SMG6: variants seen among roughly 807,000 people sequenced by gnomAD.
SMG6 encodes the protein SMG6 nonsense mediated mRNA decay factor, also known as telomerase-binding protein EST1A.
A neutral mutation model predicts 142.2 loss-of-function variants in SMG6; 66 were observed. The observed-to-expected ratio is 0.46, with a 90% CI of 0.38 to 0.57. SMG6 has a LOEUF of 0.57. Ranked by LOEUF, SMG6 falls within the 20% of genes least tolerant of loss-of-function variation. SMG6 has a pLI of 0.00. For missense variants in SMG6, 1,793 were observed against 1,832.0 expected (o/e 0.98, Z 0.39); for synonymous variants, 779 against 702.4 (o/e 1.11, Z -1.72).
chr17:2,241,561 C>T (rs1005018815), intron 9 of SMG6, among the ~76,000 whole-genome samples: 3 of 152,140 alleles, frequency 2.0e-5, no homozygotes, highest in African/African-American at 4.8e-5. Flanking sequence ...CTATTATACT[C>T]ATTAAAAAGA....
intron 13 of SMG6, among the ~76,000 whole-genome samples, chr17:2,145,643 CAAA>C (rs61451940): frequency 4.2e-5 from 1 of 23,776 alleles, no homozygotes; most frequent in Non-Finnish European, 7.5e-5. Flanking sequence ...TCCATCTCCC[CAAA>C]AAAAAAAAAA....
intron 15 of SMG6, among the ~76,000 whole-genome samples, chr17:2,072,253 C>A (rs750090683): frequency 6.6e-6 from 1 of 152,104 alleles, no homozygotes; most frequent in Non-Finnish European, 1.5e-5. Flanking sequence ...AGCGTGCTGA[C>A]CCGGAAGGAG....
intron 18 of SMG6, chr17:2,062,517 GCA>G (rs1445439336): frequency 1.4e-5 from 2 of 143,488 alleles, no homozygotes; most frequent in African/African-American, 2.6e-5. Context: ...TTTTTTTTAA[GCA>G]CAGTCTCTCC....
intron 8 of SMG6, among the ~76,000 whole-genome samples, chr17:2,266,579 A>C (rs2074426936): frequency 6.6e-6 from 1 of 152,214 alleles, no homozygotes; most frequent in African/African-American, 2.4e-5. Flanking sequence ...CAGAAAGATG[A>C]AGAGTGTGGT....
rs548257532 is a variant in SMG6 at position 2,248,785 on chromosome 17, T to C, written c.2662-4066A>G. Among the ~76,000 whole-genome samples the C allele has an allele frequency of 6.7e-4, 102 of 152,286 alleles. 1 individual carries two copies. In the South Asian group the frequency reaches 0.02, roughly 30 times the overall value. On this transcript the variant is annotated intron_variant, in intron 8 of 18. Transcript: ENST00000263073. ...AATGTAGATACATCTAGAAGGTATG[T>C]GACATGAAGGAGCAGATTTGTTACA... is the stretch of plus-strand genomic sequence containing the variant.
At chr17:2,179,615 C>A (rs530603043) in intron 12 of SMG6, among the ~76,000 whole-genome samples, 166 of 151,542 alleles carry the variant, frequency 1.1e-3, no homozygotes, top group Admixed American at 1.8e-3. Context: ...TCCAATCCAA[C>A]AGTGTGATAA....
chr17:2,245,926 T>A (rs1410876975), intron 8 of SMG6, among the ~76,000 whole-genome samples: 1 of 152,244 alleles, frequency 6.6e-6, no homozygotes, highest in Non-Finnish European at 1.5e-5. Context: ...GCAATCCTCC[T>A]GCCTCAGCCT....
chr17:2,251,892 G>C (rs1038097309), intron 8 of SMG6, among the ~76,000 whole-genome samples: 1 of 151,686 alleles, frequency 6.6e-6, no homozygotes, highest in Admixed American at 6.6e-5. Flanking sequence ...ACCTGAGGTC[G>C]GGAGTTCGAG....
chr17:2,103,096 C>T (rs764969247), intron 13 of SMG6, among the ~76,000 whole-genome samples: 2 of 152,210 alleles, frequency 1.3e-5, no homozygotes, highest in Non-Finnish European at 2.9e-5. Flanking sequence ...TGCAGTGAAC[C>T]TGGGAGTCCA....
At chr17:2,148,473 A>ACTT (rs1379223453) in intron 13 of SMG6, among the ~76,000 whole-genome samples, 1 of 152,246 alleles carries the variant, frequency 6.6e-6, no homozygotes, top group Non-Finnish European at 1.5e-5. Flanking sequence ...CACGGATAAA[A>ACTT]CGTGAAATCA....
At chr17:2,210,765 AAAATAAAAT>A (rs1293294731) in intron 10 of SMG6, among the ~76,000 whole-genome samples, 8 of 150,796 alleles carry the variant, frequency 5.3e-5, no homozygotes, top group African/African-American at 1.7e-4. Context: ...GCTTTAAAAA[AAAATAAAAT>A]AAAAAAAAAA....
rs138553261 is a variant in SMG6 at position 2,185,154 on chromosome 17, A to G, written c.3155+1509T>C. 6.2e-4 allele frequency among the ~76,000 whole-genome samples: 94 copies of G among 152,240 alleles called. 1 individual carries two copies. Among genetic ancestry groups the G allele is most frequent in the African/African-American group, 2.1e-3 (87 of 41,538 alleles). ...ATAGATACGGACATCCCACATGAAC[A>G]CATACAGATAACAACACACGTGGCC... On this transcript the variant is annotated intron_variant, in intron 12 of 18. Coordinates refer to ENST00000263073, the MANE Select transcript of SMG6 (RefSeq NM_017575.5).
At chr17:2,063,880 G>A (rs771252689) in intron 18 of SMG6, among the ~76,000 whole-genome samples, 3 of 152,142 alleles carry the variant, frequency 2.0e-5, no homozygotes, top group Admixed American at 6.5e-5. Context: ...CTGAGCTGCC[G>A]GGGACAGAAC....
chr17:2,169,070 C>T (rs964231374), intron 13 of SMG6, among the ~76,000 whole-genome samples: 1 of 151,160 alleles, frequency 6.6e-6, no homozygotes, highest in African/African-American at 2.4e-5. Flanking sequence ...TTTTAATCAG[C>T]CAGGCATGGT....
At chr17:2,295,457 A>G (rs1567757828) in intron 4 of SMG6, among the ~76,000 whole-genome samples, 1 of 152,198 alleles carries the variant, frequency 6.6e-6, no homozygotes, top group African/African-American at 2.4e-5. Flanking sequence ...AGAATGGTCT[A>G]TATTACTCTC....
At chr17:2,064,071 A>G (rs2067864989) in intron 18 of SMG6, among the ~76,000 whole-genome samples, 1 of 152,092 alleles carries the variant, frequency 6.6e-6, no homozygotes, top group African/African-American at 2.4e-5. Flanking sequence ...CTGTGTCTGT[A>G]TGGGGAGAGG....
At chr17:2,204,385 TTC>T (rs2072618176) in intron 10 of SMG6, among the ~76,000 whole-genome samples, 1 of 152,202 alleles carries the variant, frequency 6.6e-6, no homozygotes, top group African/African-American at 2.4e-5. Context: ...GATCTGCACA[TTC>T]ATTTGACTCT....
chr17:2,275,484 T>C (rs905298114), intron 8 of SMG6, among the ~76,000 whole-genome samples: 3 of 152,132 alleles, frequency 2.0e-5, no homozygotes, highest in South Asian at 2.1e-4. Flanking sequence ...CCCAATCCTA[T>C]ATGCTTTCTT....
intron 13 of SMG6, chr17:2,088,859 G>A (rs547723781): frequency 7.1e-6 from 7 of 984,918 alleles, no homozygotes; most frequent in East Asian, 1.1e-4. Flanking sequence ...AAGCCCACTG[G>A]GGAGAGGACC....
Sources: allele counts gnomAD v4.1 joint callset (sites outside exome capture counted in the v4.1 genomes callset), GRCh38; gene constraint gnomAD v4.1.1; transcripts MANE v1.5; gene names NCBI Gene and HGNC (gene_info 2026-07-23, HGNC 2026-07-21).